SEMA5A: variants seen among roughly 807,000 people sequenced by gnomAD.
The protein encoded by SEMA5A is semaphorin 5A.
Under a neutral mutation model 135.5 loss-of-function variants are expected in SEMA5A, and 55 were observed. The observed-to-expected ratio is 0.41, with a 90% CI of 0.33 to 0.51. SEMA5A has a LOEUF of 0.51. Ranked by LOEUF, SEMA5A falls within the 20% of genes least tolerant of loss-of-function variation. SEMA5A has a pLI of 0.37. For synonymous variants in SEMA5A, 580 were observed against 546.5 expected, an observed-to-expected ratio of 1.06 and a Z score of -0.85; for missense variants, 1,290 against 1,419.9, an observed-to-expected ratio of 0.91 and a Z score of 1.47.
intron 16 of SEMA5A, among the ~76,000 whole-genome samples, chr5:9,082,654 T>G (rs916805915): frequency 6.6e-6 from 1 of 152,152 alleles, no homozygotes; most frequent in Non-Finnish European, 1.5e-5. Context: ...AATTTTGAAG[T>G]GTTAAGTGAG....
chr5:9,310,360 A>T (rs982498223), intron 5 of SEMA5A, among the ~76,000 whole-genome samples: 3 of 152,170 alleles, frequency 2.0e-5, no homozygotes, highest in Admixed American at 1.3e-4. Context: ...ACTATGATCA[A>T]CATACCTTAG....
At chr5:9,370,810 G>A (rs936524239) in intron 3 of SEMA5A, among the ~76,000 whole-genome samples, 1 of 152,206 alleles carries the variant, frequency 6.6e-6, no homozygotes, top group East Asian at 1.9e-4. Context: ...GAGAAGAAAG[G>A]AGGACATAAT....
chr5:9,074,713 C>A (rs1379257833), intron 16 of SEMA5A, among the ~76,000 whole-genome samples: 1 of 152,008 alleles, frequency 6.6e-6, no homozygotes, highest in Non-Finnish European at 1.5e-5. Context: ...TATGTGATGG[C>A]AAAACAAGCG....
chr5:9,305,349 G>C (rs946378603), intron 5 of SEMA5A, among the ~76,000 whole-genome samples: 3 of 151,884 alleles, frequency 2.0e-5, no homozygotes, highest in Non-Finnish European at 4.4e-5. Flanking sequence ...TTGTTTCATG[G>C]TAGTAATATC....
chr5:9,055,018 C>T (rs184711316), intron 18 of SEMA5A, among the ~76,000 whole-genome samples: 1 of 152,292 alleles, frequency 6.6e-6, no homozygotes, highest in Admixed American at 6.5e-5. Context: ...GCACATGTCT[C>T]TGCCTGCTCA....
intron 4 of SEMA5A, among the ~76,000 whole-genome samples, chr5:9,327,484 C>A (rs955602465): frequency 6.6e-6 from 1 of 152,060 alleles, no homozygotes. Flanking sequence ...TCAAAGAACA[C>A]ACTAAAACTG....
At chr5:9,315,232 A>G (rs1293290329) in intron 5 of SEMA5A, among the ~76,000 whole-genome samples, 2 of 152,032 alleles carry the variant, frequency 1.3e-5, no homozygotes, top group African/African-American at 4.8e-5. Flanking sequence ...GCTTTATTAT[A>G]TTTGCCTCTG....
chr5:9,394,172 C>T (rs1449624092), intron 2 of SEMA5A, among the ~76,000 whole-genome samples: 1 of 151,922 alleles, frequency 6.6e-6, no homozygotes, highest in Non-Finnish European at 1.5e-5. Flanking sequence ...AGGATCAAGC[C>T]CCCAGTGGAA....
intron 4 of SEMA5A, among the ~76,000 whole-genome samples, chr5:9,319,907 G>A (rs1304170146): frequency 1.3e-5 from 2 of 152,218 alleles, no homozygotes; most frequent in Non-Finnish European, 2.9e-5. Context: ...AGGCCCAAGG[G>A]CATAGCCTTG....
intron 3 of SEMA5A, among the ~76,000 whole-genome samples, chr5:9,369,022 C>T (rs1755026338): frequency 6.6e-6 from 1 of 152,168 alleles, no homozygotes; most frequent in Non-Finnish European, 1.5e-5. Flanking sequence ...TTATTAACAA[C>T]AAAACAAGAG....
chr5:9,286,546 C>G (rs1374487672), intron 5 of SEMA5A, among the ~76,000 whole-genome samples: 2 of 152,104 alleles, frequency 1.3e-5, no homozygotes, highest in Admixed American at 6.5e-5. Context: ...ATGTGGTCCT[C>G]TCCTTGGCTC....
chr5:9,043,086 A>T (rs1554019480), intron 22 of SEMA5A, 70 bp from the exon 23 acceptor site: 1 of 1,334,786 alleles, frequency 7.5e-7, no homozygotes, highest in Non-Finnish European at 1.1e-6. Context: ...TATAACAAGG[A>T]TGACTATTAT....
rs1222066546 is a variant in SEMA5A, at chr5:9,161,129, G to T, written c.1274-6434C>A. ...AAAGAGAAATGTGTTTTTTAGTGGG[G>T]AATTTTTTTTTTTTAATGGGAGTTT... On this transcript the variant is annotated intron_variant, in intron 11 of 22. Coordinates refer to ENST00000382496, the MANE Select transcript of SEMA5A (RefSeq NM_003966.3). 4.3e-5 allele frequency among the ~76,000 whole-genome samples: 4 copies of T among 92,604 alleles called. No individual in the cohort carries two copies. In the South Asian group the frequency reaches 1.5e-3, roughly 35 times the overall value. The allele number at this position is 92,604 out of a possible 152,430, so 60.8% of individuals were successfully genotyped here.
At chr5:9,255,376 T>G (rs1008728281) in intron 5 of SEMA5A, among the ~76,000 whole-genome samples, 1 of 152,156 alleles carries the variant, frequency 6.6e-6, no homozygotes, top group Non-Finnish European at 1.5e-5. Context: ...TGGGTATGAT[T>G]AAGGATGAGG....
At chr5:9,058,786 T>C (rs1737028488) in intron 18 of SEMA5A, among the ~76,000 whole-genome samples, 1 of 152,190 alleles carries the variant, frequency 6.6e-6, no homozygotes, top group Non-Finnish European at 1.5e-5. Context: ...AAATGTGGTA[T>C]TGATTCTCCA....
At chr5:9,216,508 G>T (rs566826656) in intron 8 of SEMA5A, among the ~76,000 whole-genome samples, 1 of 152,248 alleles carries the variant, frequency 6.6e-6, no homozygotes, top group South Asian at 2.1e-4. Context: ...GATTCATTTG[G>T]TTCAATGTTG....
At chr5:9,104,254 A>G (rs972214120) in intron 16 of SEMA5A, among the ~76,000 whole-genome samples, 1 of 152,198 alleles carries the variant, frequency 6.6e-6, no homozygotes, top group African/African-American at 2.4e-5. Context: ...GCAGGGATAC[A>G]GAGAGAATAA....
At chr5:9,461,647 C>T (rs941442474) in intron 1 of SEMA5A, among the ~76,000 whole-genome samples, 17 of 152,302 alleles carry the variant, frequency 1.1e-4, no homozygotes, top group Admixed American at 1.1e-3. Flanking sequence ...TCCAGCACAC[C>T]TTGCTACCTC....
chr5:9,254,884 C>T (rs1748981653), intron 5 of SEMA5A, among the ~76,000 whole-genome samples: 1 of 151,996 alleles, frequency 6.6e-6, no homozygotes, highest in Non-Finnish European at 1.5e-5. Context: ...TAGTTTAAGC[C>T]CGTGGTGATA....
Sources: gnomAD v4.1 joint callset for allele counts (sites outside exome capture counted in the v4.1 genomes callset) on GRCh38, gnomAD v4.1.1 for gene constraint, MANE v1.5 for transcripts, NCBI Gene and HGNC (gene_info 2026-07-23, HGNC 2026-07-21) for gene names.